Variants in PXYLP1 observed in about 807,000 individuals in gnomAD.
PXYLP1 encodes the protein acid phosphatase-like 2.
In PXYLP1, 17 loss-of-function variants were observed where a neutral mutation model predicts 37.9. The ratio of observed to expected loss-of-function variants is 0.45; its 90% CI spans 0.31 to 0.67. The LOEUF is 0.67. PXYLP1 is among the 30% of genes least tolerant of loss of function. The pLI, the probability that PXYLP1 is intolerant of heterozygous loss-of-function variation, is 0.07. For missense variants in PXYLP1, 511 were observed against 612.0 expected (o/e 0.84, Z 1.74); for synonymous variants, 221 against 232.2 (o/e 0.95, Z 0.44).
intron 2 of PXYLP1, among the ~76,000 whole-genome samples, chr3:141,275,793 C>G (rs1214026169): frequency 1.8e-5 from 1 of 55,640 alleles, no homozygotes; most frequent in Non-Finnish European, 3.2e-5. Flanking sequence ...AATACGTTCA[C>G]TGTAAAAAAA....
chr3:141,277,013 G>A (rs1253683310), intron 2 of PXYLP1, among the ~76,000 whole-genome samples: 1 of 152,052 alleles, frequency 6.6e-6, no homozygotes, highest in Admixed American at 6.5e-5. Flanking sequence ...ATTTTTCTGC[G>A]ATTAGCCTGT....
In PXYLP1 at chr3:141,291,952, A is replaced by G. The variant is rs1942221222; in HGVS notation, c.506-316A>G. Among the ~76,000 whole-genome samples the G allele has an allele frequency of 2.0e-5, 3 of 152,152 alleles. No homozygotes were observed. In the South Asian group the frequency reaches 6.2e-4, roughly 32 times the overall value. Reference sequence around the variant, plus strand: ...ATATCCCCTGGCTGGGTGACTTCGAACCCTGAGACCAACCAGTCACAACAC... The same window carrying G: ...ATATCCCCTGGCTGGGTGACTTCGAGCCCTGAGACCAACCAGTCACAACAC... On this transcript the variant is annotated intron_variant, in intron 5 of 5. Transcript: ENST00000286353.
In PXYLP1 at chr3:141,273,859, A is replaced by T. The variant is rs891295357; in HGVS notation, c.80-4483A>T. On this transcript the variant is annotated intron_variant, in intron 2 of 5. Coordinates refer to ENST00000286353, the MANE Select transcript of PXYLP1 (RefSeq NM_001037172.3). ...GTACAGAGTTAATCATCAGTAAAAG[A>T]TATCTCGTATCCTGTTATTCGTGTT... The T allele has an allele frequency of 3.0e-6, 3 of 985,228 alleles. No homozygotes were observed. The African/African-American group carries it at 5.2e-5, about 17-fold the overall frequency. 61.0% of individuals were successfully genotyped at this position (985,228 alleles called of 1,614,324 possible). A position where few individuals can be genotyped will look rare whatever the true frequency, so the allele number is the denominator to read the frequency against.
chr3:141,247,245 G>A (rs1163507078), intron 1 of PXYLP1, among the ~76,000 whole-genome samples: 2 of 152,248 alleles, frequency 1.3e-5, no homozygotes, highest in Non-Finnish European at 2.9e-5. Flanking sequence ...AGGCTGCACT[G>A]GTAGGTGGGG....
At position 141,292,519 on chromosome 3, in the gene PXYLP1, T is replaced by C. The variant is rs1942246122; in HGVS notation, c.757T>C (p.Tyr253His). Residue 253 changes from tyrosine (Y) to histidine (H), a missense_variant, in exon 6 of 6, where the codon TAT becomes CAT. Physicochemically the swap from Tyr to His is moderately conservative, Grantham distance 83. Coordinates refer to ENST00000286353, the MANE Select transcript of PXYLP1 (RefSeq NM_001037172.3). This position sits in a 1 kb window ranked among gnomAD's most constrained non-coding sequence, Gnocchi z 4.3. Reference protein sequence around the residue: ...GSCYCPVRNQYLEKEQRRQYL... With the variant: ...GSCYCPVRNQHLEKEQRRQYL... The stretch of plus-strand genomic sequence containing the variant: ...CTGCTATTGCCCGGTAAGAAACCAG[T>C]ATCTGGAAAAGGAGCAGCGTCGTCA... 6.2e-7 allele frequency: 1 copy of C among 1,614,158 alleles called. No individual in the cohort carries two copies. Among genetic ancestry groups the C allele is most frequent in the Non-Finnish European group, 8.5e-7 (1 of 1,180,032 alleles).
chr3:141,257,057 C>T (rs748014525), intron 1 of PXYLP1, among the ~76,000 whole-genome samples: 4 of 152,318 alleles, frequency 2.6e-5, no homozygotes, highest in East Asian at 3.8e-4. Context: ...AAAAGCACTC[C>T]GCATATTAAA....
intron 2 of PXYLP1, chr3:141,273,023 G>A: frequency 2.0e-6 from 2 of 985,410 alleles, no homozygotes; most frequent in Non-Finnish European, 2.4e-6. Context: ...TGTCTTCACT[G>A]CATCGTTTCC....
At chr3:141,246,289 C>A (rs529871739) in intron 1 of PXYLP1, among the ~76,000 whole-genome samples, 1 of 152,310 alleles carries the variant, frequency 6.6e-6, no homozygotes, top group East Asian at 1.9e-4. Context: ...AGACACTACC[C>A]CTACTGTCAT....
intron 1 of PXYLP1, among the ~76,000 whole-genome samples, chr3:141,237,728 T>C (rs763348838): frequency 3.9e-5 from 6 of 152,212 alleles, no homozygotes; most frequent in Non-Finnish European, 8.8e-5. Flanking sequence ...GTCTCTGTCC[T>C]CATGGAACAG....
intron 2 of PXYLP1, among the ~76,000 whole-genome samples, chr3:141,272,052 A>G (rs1941676845): frequency 1.3e-5 from 2 of 152,226 alleles, no homozygotes; most frequent in African/African-American, 4.8e-5. Flanking sequence ...TCCTAAGGCA[A>G]GAAGAAGGCC....
intron 5 of PXYLP1, among the ~76,000 whole-genome samples, chr3:141,287,776 G>GCA (rs1486689425): frequency 2.6e-5 from 4 of 152,110 alleles, no homozygotes; most frequent in Admixed American, 6.5e-5. Context: ...CTGTGCTTAT[G>GCA]CACACACACA....
chr3:141,259,283 C>G (rs577055555), intron 1 of PXYLP1, among the ~76,000 whole-genome samples: 38 of 152,154 alleles, frequency 2.5e-4, no homozygotes, highest in African/African-American at 8.9e-4. Context: ...GTTTAAGAAC[C>G]TTTTCTAAAG....
chr3:141,235,418 T>G (rs1472384651), intron 1 of PXYLP1: 2 of 152,168 alleles, frequency 1.3e-5, no homozygotes, highest in East Asian at 3.9e-4. Context: ...GTAGCCCCAG[T>G]CCCCTTTGAC....
intron 1 of PXYLP1, among the ~76,000 whole-genome samples, chr3:141,248,902 G>T (rs1204815031): frequency 1.7e-4 from 26 of 149,156 alleles, no homozygotes; most frequent in Non-Finnish European, 1.5e-5. Context: ...CAGAGTGAGT[G>T]TGTGTGTGTG....
Position 141,292,306 on chromosome 3 carries a change from G to C in PXYLP1, c.544G>C (p.Asp182His). Residue 182 changes from aspartate to histidine, a missense_variant, in exon 6 of 6, where the codon GAT (aspartate) becomes CAT (histidine). Asp to His is a moderately conservative substitution (Grantham distance 81). Coordinates refer to ENST00000286353, the MANE Select transcript of PXYLP1 (RefSeq NM_001037172.3). This position sits in a 1 kb window ranked among gnomAD's most constrained non-coding sequence, Gnocchi z 4.3. Reference sequence around the variant, plus strand: ...TTTGCAGAACGGTCAGCTGCTGAGGGATATCTATCTAAAGAAACACAAACT... The same window carrying C: ...TTTGCAGAACGGTCAGCTGCTGAGGCATATCTATCTAAAGAAACACAAACT... ...QHLQNGQLLR[D>H]IYLKKHKLLP... The C allele has an allele frequency of 6.2e-7, 1 of 1,610,472 alleles. No homozygotes were observed. The highest frequency in any genetic ancestry group is 1.3e-5 in the African/African-American group (1 of 74,838).
chr3:141,276,611 C>T (rs1941802074), intron 2 of PXYLP1, among the ~76,000 whole-genome samples: 1 of 152,186 alleles, frequency 6.6e-6, no homozygotes, highest in Admixed American at 6.5e-5. Flanking sequence ...TGCAGGGAAT[C>T]TCTTTGGCCA....
In PXYLP1 at chr3:141,253,538, A is replaced by G. The variant is rs1941191999; in HGVS notation, c.-53-6585A>G. On this transcript the variant is annotated intron_variant, in intron 1 of 5. Coordinates refer to ENST00000286353, the MANE Select transcript of PXYLP1 (RefSeq NM_001037172.3). Reference sequence around the variant, plus strand: ...TTCAAGATGGAGTTCTGGCATTGCCACTTCAGAAATCCAATCTGCCGTATC... The same window carrying G: ...TTCAAGATGGAGTTCTGGCATTGCCGCTTCAGAAATCCAATCTGCCGTATC... 2.0e-5 allele frequency among the ~76,000 whole-genome samples: 3 copies of G among 152,160 alleles called. No individual in the cohort carries two copies. In the South Asian group the frequency reaches 6.2e-4, roughly 31 times the overall value.
intron 1 of PXYLP1, among the ~76,000 whole-genome samples, chr3:141,249,296 T>C (rs758369790): frequency 3.9e-5 from 6 of 152,112 alleles, no homozygotes; most frequent in Admixed American, 1.3e-4. Flanking sequence ...AAAGGCCTCA[T>C]TGGGCAAAAC....
At position 141,292,872 on chromosome 3, in the gene PXYLP1, G is replaced by A; in HGVS notation, c.1110G>A (p.Glu370=). The change falls in exon 6 of 6, where the codon GAG becomes GAA. Residue 370 remains glutamate, a synonymous_variant. Transcript: ENST00000286353. The surrounding 1 kb of genome is among the most constrained non-coding windows in gnomAD (Gnocchi z 4.3). ...GTGCCACCGAGGGCAGGAAAGAAGAGCTCTTTGCCCTCTACTCTGCTCATG... is the reference window on the plus strand; with the variant it reads ...GTGCCACCGAGGGCAGGAAAGAAGAACTCTTTGCCCTCTACTCTGCTCATG... ...MQRATEGRKE[E]LFALYSAHDV... The A allele has an allele frequency of 6.2e-7, 1 of 1,614,196 alleles. No individual in the cohort carries two copies. The highest frequency in any genetic ancestry group is 1.3e-5 in the African/African-American group (1 of 75,040).
Sources: gnomAD v4.1 joint callset for allele counts (sites outside exome capture counted in the v4.1 genomes callset) on GRCh38, gnomAD v4.1.1 for gene constraint, Gnocchi (gnomAD v3.1) non-coding constraint, MANE v1.5 for transcripts, NCBI Gene and HGNC (gene_info 2026-07-23, HGNC 2026-07-21) for gene names.